Variants in ATP9A observed in about 807,000 individuals in gnomAD.
ATP9A encodes probable phospholipid-transporting ATPase IIA.
ATP9A carries 52 observed loss-of-function variants against 144.1 expected under a neutral mutation model. The ratio of observed to expected loss-of-function variants is 0.36; its 90% CI spans 0.29 to 0.45. The LOEUF is 0.45. ATP9A is among the 20% of genes least tolerant of loss of function. The pLI, the probability that ATP9A is intolerant of heterozygous loss-of-function variation, is 1.00. For missense variants in ATP9A, 947 were observed against 1,392.7 expected (o/e 0.68, Z 5.09); for synonymous variants, 582 against 557.4 (o/e 1.04, Z -0.62).
chr20:51,750,557 G>A (rs1476652791), intron 1 of ATP9A, among the ~76,000 whole-genome samples: 1 of 152,206 alleles, frequency 6.6e-6, no homozygotes, highest in Non-Finnish European at 1.5e-5. Flanking sequence ...AAAAACATGA[G>A]TAAGTGCTGA....
At chr20:51,663,595 C>T (rs973166951) in intron 13 of ATP9A, among the ~76,000 whole-genome samples, 5 of 151,992 alleles carry the variant, frequency 3.3e-5, no homozygotes, top group Admixed American at 1.3e-4. Context: ...GAGATCAAGA[C>T]CATCCTGGCT....
At chr20:51,741,548 G>A (rs2077785363) in intron 1 of ATP9A, among the ~76,000 whole-genome samples, 1 of 152,108 alleles carries the variant, frequency 6.6e-6, no homozygotes, top group South Asian at 2.1e-4. Context: ...TTGCACTCTA[G>A]CCTGGACAAT....
Position 51,670,015 on chromosome 20 carries a change from A to T in ATP9A, c.1275T>A (p.Ile425=). The change falls in exon 13 of 28, where the codon ATT becomes ATA. Residue 425 remains isoleucine (I), a synonymous_variant. Coordinates refer to ENST00000338821, the MANE Select transcript of ATP9A (RefSeq NM_006045.3). ...LDSMDEVQSH[I]FSIYTQQSQD... ...GCTTTACCTGGGTGTAAATGCTGAAAATGTGGCTTTGTACTTCGTCCATTG... is the reference window on the plus strand; with the variant it reads ...GCTTTACCTGGGTGTAAATGCTGAATATGTGGCTTTGTACTTCGTCCATTG... The T allele has an allele frequency of 6.2e-7, 1 of 1,614,028 alleles. No homozygotes were observed. Among genetic ancestry groups the T allele is most frequent in the Non-Finnish European group, 8.5e-7 (1 of 1,179,954 alleles).
chr20:51,698,658 G>T (rs1189251999), intron 4 of ATP9A, among the ~76,000 whole-genome samples: 1 of 152,208 alleles, frequency 6.6e-6, no homozygotes, highest in Non-Finnish European at 1.5e-5. Context: ...CAGAGGGGTG[G>T]CTGTCAACAA....
At chr20:51,715,780 A>G (rs960819716) in intron 3 of ATP9A, among the ~76,000 whole-genome samples, 1 of 152,150 alleles carries the variant, frequency 6.6e-6, no homozygotes, top group African/African-American at 2.4e-5. Flanking sequence ...CCAACCATCC[A>G]ATTTAGGAGG....
chr20:51,604,641 C>T (rs892253012), intron 27 of ATP9A, among the ~76,000 whole-genome samples, 176 bp downstream of exon 27: 22 of 152,204 alleles, frequency 1.4e-4, no homozygotes, highest in African/African-American at 5.3e-4. Context: ...GGCACAACTA[C>T]CACCTGTCCC....
intron 4 of ATP9A, among the ~76,000 whole-genome samples, chr20:51,707,996 G>A (rs1368325272): frequency 3.9e-5 from 6 of 151,982 alleles, no homozygotes; most frequent in African/African-American, 9.7e-5. Context: ...CCAAAGTGCT[G>A]GCATTACAGG....
Position 51,596,595 on chromosome 20 carries a change from ATAAC to A in ATP9A, c.*4612_*4615del, listed in dbSNP as rs1021761058. On this transcript the variant is annotated 3_prime_UTR_variant, in exon 28 of 28. Transcript: ENST00000338821. ...GATGGACAATAGTACAAAATAATAA[ATAAC>A]ATGCATTGATTTGGGGTTTTTTTTG... 6.6e-6 allele frequency: 1 copy of A among 152,196 alleles called. No individual in the cohort carries two copies. Among genetic ancestry groups the A allele is most frequent in the African/African-American group, 2.4e-5 (1 of 41,456 alleles). The allele number at this position is 152,196 out of a possible 1,614,324, so 9.4% of individuals were successfully genotyped here.
intron 1 of ATP9A, among the ~76,000 whole-genome samples, chr20:51,763,962 T>A (rs2122925240): frequency 6.6e-6 from 1 of 152,292 alleles, no homozygotes; most frequent in Non-Finnish European, 1.5e-5. Flanking sequence ...GTGAAATTCA[T>A]ATTTCTAAAT....
chr20:51,615,193 T>C (rs2077198627), intron 22 of ATP9A, among the ~76,000 whole-genome samples: 1 of 152,102 alleles, frequency 6.6e-6, no homozygotes, highest in African/African-American at 2.4e-5. Context: ...AGGGGTAACA[T>C]TACATACAAT....
chr20:51,758,345 G>A (rs1392940738), intron 1 of ATP9A, among the ~76,000 whole-genome samples: 1 of 152,078 alleles, frequency 6.6e-6, no homozygotes, highest in Non-Finnish European at 1.5e-5. Context: ...CTTCATGAGT[G>A]ACCCTGAAGA....
chr20:51,649,511 C>A (rs2077355035), intron 14 of ATP9A, among the ~76,000 whole-genome samples: 1 of 152,228 alleles, frequency 6.6e-6, no homozygotes, highest in African/African-American at 2.4e-5. Flanking sequence ...GCCGTCAGTA[C>A]CACTGTTATC....
At position 51,756,194 on chromosome 20, in the gene ATP9A, T is replaced by G. The variant is rs144955204; in HGVS notation, c.68+12108A>C. On this transcript the variant is annotated intron_variant, in intron 1 of 27. Transcript: ENST00000338821. Reference sequence around the variant, plus strand: ...AGAACAAGGTGTCAGCAGGGTTGGTTTCTCCTGAGGCCTCTCTCCTTGGCT... The same window carrying G: ...AGAACAAGGTGTCAGCAGGGTTGGTGTCTCCTGAGGCCTCTCTCCTTGGCT... 4.5e-3 allele frequency among the ~76,000 whole-genome samples: 688 copies of G among 151,970 alleles called. 9 individuals are homozygous for G. Among genetic ancestry groups the G allele is most frequent in the African/African-American group, 0.015 (641 of 41,458 alleles).
chr20:51,605,926 A>G (rs903535642), intron 26 of ATP9A, among the ~76,000 whole-genome samples: 9 of 149,852 alleles, frequency 6.0e-5, no homozygotes, highest in Non-Finnish European at 1.3e-4. Flanking sequence ...AAAAAAAAAA[A>G]GAATAAACCC....
chr20:51,752,356 T>C (rs2077836167), intron 1 of ATP9A, among the ~76,000 whole-genome samples: 1 of 152,182 alleles, frequency 6.6e-6, no homozygotes, highest in South Asian at 2.1e-4. Context: ...ACAAAATTCT[T>C]ACAAGAAAAA....
chr20:51,605,820 C>T (rs972948066), intron 26 of ATP9A, among the ~76,000 whole-genome samples: 3 of 144,752 alleles, frequency 2.1e-5, no homozygotes, highest in Non-Finnish European at 4.5e-5. Context: ...GGCTGAGGCA[C>T]GAGAATTTCT....
intron 2 of ATP9A, among the ~76,000 whole-genome samples, chr20:51,728,896 C>T (rs2077727348): frequency 6.6e-6 from 1 of 152,208 alleles, no homozygotes; most frequent in South Asian, 2.1e-4. Context: ...TGCTGCTTCT[C>T]AAAGTCAACT....
intron 8 of ATP9A, among the ~76,000 whole-genome samples, chr20:51,689,569 G>A (rs1047700674): frequency 4.0e-5 from 6 of 149,462 alleles, no homozygotes; most frequent in East Asian, 2.0e-4. Flanking sequence ...ATGGAGTCTC[G>A]CTCTGCCACC....
In ATP9A at chr20:51,682,577, C is replaced by CTTTTTTTTTTTTTTTTTTTTTT. The variant is rs60505207; in HGVS notation, c.800-6391_800-6370dup. On this transcript the variant is annotated intron_variant, in intron 9 of 27. Coordinates refer to ENST00000338821, the MANE Select transcript of ATP9A (RefSeq NM_006045.3). Reference sequence around the variant, plus strand: ...TAAAGTGTGTTGCTTTTCACTGTATCTTTTTTTTTTTTTTTTTTTTTTTTT... The same window carrying CTTTTTTTTTTTTTTTTTTTTTT: ...TAAAGTGTGTTGCTTTTCACTGTATCTTTTTTTTTTTTTTTTTTTTTTTTTTTTTTTTTTTTTTTTTTTTTTT... Among the ~76,000 whole-genome samples the CTTTTTTTTTTTTTTTTTTTTTT allele has an allele frequency of 1.5e-3, 51 of 35,084 alleles. 14 individuals are homozygous for CTTTTTTTTTTTTTTTTTTTTTT. Among genetic ancestry groups the CTTTTTTTTTTTTTTTTTTTTTT allele is most frequent in the Non-Finnish European group, 2.2e-3 (41 of 18,830 alleles). 23.0% of individuals were successfully genotyped at this position (35,084 alleles called of 152,430 possible).
Sources: gnomAD v4.1 joint callset for allele counts (sites outside exome capture counted in the v4.1 genomes callset) on GRCh38, gnomAD v4.1.1 for gene constraint, MANE v1.5 for transcripts, NCBI Gene and HGNC (gene_info 2026-07-23, HGNC 2026-07-21) for gene names.